The following SEL1L variants were observed in gnomAD, a reference collection of about 807,000 sequenced individuals.
SEL1L encodes protein sel-1 homolog 1.
SEL1L carries 52 observed loss-of-function variants against 109.8 expected under a neutral mutation model. The observed-to-expected ratio is 0.47, with a 90% CI of 0.38 to 0.60. The LOEUF (loss-of-function observed/expected upper bound fraction) is 0.60. Ranked by LOEUF, SEL1L falls within the 20% of genes least tolerant of loss-of-function variation. The pLI, the probability that SEL1L is intolerant of heterozygous loss-of-function variation, is 0.00. For missense variants in SEL1L, 749 were observed against 962.2 expected (o/e 0.78, Z 2.93); for synonymous variants, 373 against 339.6 (o/e 1.10, Z -1.08).
At position 81,510,533 on chromosome 14, in the gene SEL1L, CAATT is replaced by C. The variant is rs1279365321; in HGVS notation, c.341-4296_341-4293del. ...CTCTCTCTATATATATATATATAGA[CAATT>C]AAAGGCTAGGGGAATATAAGCACAT... is the stretch of plus-strand genomic sequence containing the variant. On this transcript the variant is annotated intron_variant, in intron 3 of 20. Coordinates refer to ENST00000336735, the MANE Select transcript of SEL1L (RefSeq NM_005065.6). 7.7e-4 allele frequency among the ~76,000 whole-genome samples: 83 copies of C among 108,376 alleles called. 2 individuals are homozygous for C. Among genetic ancestry groups the C allele is most frequent in the Middle Eastern group, 0.013 (2 of 152 alleles). 71.1% of individuals were successfully genotyped at this position (108,376 alleles called of 152,430 possible).
In SEL1L at chr14:81,533,712, C is replaced by A; in HGVS notation, c.33G>T (p.Leu11=). The A allele has an allele frequency of 6.2e-7, 1 of 1,613,640 alleles. No homozygotes were observed. Among genetic ancestry groups the A allele is most frequent in the Non-Finnish European group, 8.5e-7 (1 of 1,179,880 alleles). MRVRIGLTLL[L]CAVLLSLASA... is the part of the protein sequence containing the mutation. ...AGGCCAAGCTCAGCAGCACCGCACACAGCAGCAGCGTCAGCCCTATCCGGA... is the reference window on the plus strand; with the variant it reads ...AGGCCAAGCTCAGCAGCACCGCACAAAGCAGCAGCGTCAGCCCTATCCGGA... The change falls in exon 1 of 21, where the codon CTG becomes CTT. Residue 11 remains leucine, a synonymous_variant. Coordinates refer to ENST00000336735, the MANE Select transcript of SEL1L (RefSeq NM_005065.6).
At chr14:81,517,307 G>A (rs1344870876) in intron 3 of SEL1L, among the ~76,000 whole-genome samples, 4 of 152,180 alleles carry the variant, frequency 2.6e-5, no homozygotes, top group Non-Finnish European at 4.4e-5. Context: ...GGTGAGGCCT[G>A]TAGTTTTTGT....
chr14:81,529,139 C>T (rs1885231173), intron 1 of SEL1L, among the ~76,000 whole-genome samples: 1 of 152,068 alleles, frequency 6.6e-6, no homozygotes, highest in Non-Finnish European at 1.5e-5. Flanking sequence ...AGTCCCACAG[C>T]GCCCATAACA....
At chr14:81,499,094 A>C (rs1457699551) in intron 8 of SEL1L, 1 of 932,976 alleles carries the variant, frequency 1.1e-6, no homozygotes, top group Non-Finnish European at 1.3e-6. Context: ...TTCTATAGCC[A>C]CCATTTACAA....
Position 81,486,306 on chromosome 14 carries a change from G to A in SEL1L, c.1781C>T (p.Ala594Val). The change falls in exon 17 of 21, where the codon GCC becomes GTC. Residue 594 changes from alanine (A) to valine (V), a missense_variant. Ala to Val is a moderately conservative substitution (Grantham distance 64, BLOSUM62 0). Around this residue, in one of 2 missense-constraint regions of SEL1L, gnomAD observed 383 missense variants for 562.5 expected, o/e 0.68. Transcript: ENST00000336735. ...AACCTTACTCTGATCAAGAATAAAG[G>A]CTGCATTGCTTTGTGCCACTTCATA... Reference protein sequence around the residue: ...QGYEVAQSNAAFILDQREASI... With the variant: ...QGYEVAQSNAVFILDQREASI... 6.2e-7 allele frequency: 1 copy of A among 1,614,002 alleles called. No individual in the cohort carries two copies. Among genetic ancestry groups the A allele is most frequent in the Non-Finnish European group, 8.5e-7 (1 of 1,179,968 alleles).
intron 12 of SEL1L, among the ~76,000 whole-genome samples, chr14:81,491,730 T>C (rs151123127): frequency 6.6e-6 from 1 of 152,356 alleles, no homozygotes; most frequent in African/African-American, 2.4e-5. Flanking sequence ...ATATGGAATT[T>C]ATTTATAAAG....
rs560268114 is a variant in SEL1L at position 81,497,785 on chromosome 14, C to T, written c.1128+107G>A. The T allele has an allele frequency of 1.0e-5, 10 of 1,002,606 alleles. No individual in the cohort carries two copies. In the East Asian group the frequency reaches 1.0e-4, roughly 10 times the overall value. The allele number at this position is 1,002,606 out of a possible 1,614,324, so 62.1% of individuals were successfully genotyped here. A position where few individuals can be genotyped will look rare whatever the true frequency, so the allele number is the denominator to read the frequency against. Reference sequence around the variant, plus strand: ...TTCTAATATGTAGTTCATAATTGCTCAGGGCAATGAAAATGTAACTTACAG... The same window carrying T: ...TTCTAATATGTAGTTCATAATTGCTTAGGGCAATGAAAATGTAACTTACAG... On this transcript the variant is annotated intron_variant, in intron 10 of 20. Transcript: ENST00000336735.
chr14:81,500,191 G>C (rs1226960392), intron 6 of SEL1L, among the ~76,000 whole-genome samples: 1 of 151,812 alleles, frequency 6.6e-6, no homozygotes. Context: ...GATTACAGGG[G>C]TAAGCCACTG....
intron 2 of SEL1L, 30 bp from the exon 3 acceptor site, chr14:81,526,994 A>G: frequency 6.6e-7 from 1 of 1,526,116 alleles, no homozygotes; most frequent in Non-Finnish European, 9.1e-7. Flanking sequence ...TTAGTTATCA[A>G]CAATGCCAAG....
chr14:81,533,553 C>T, intron 1 of SEL1L, 122 bp downstream of exon 1: 1 of 887,746 alleles, frequency 1.1e-6, no homozygotes, highest in Non-Finnish European at 1.8e-6. Context: ...CGAGTGACAG[C>T]CCAGTGCGAG....
intron 4 of SEL1L, among the ~76,000 whole-genome samples, chr14:81,505,070 C>T (rs1006296570): frequency 1.3e-5 from 2 of 152,066 alleles, no homozygotes; most frequent in Non-Finnish European, 2.9e-5. Flanking sequence ...CCAAGGTCAG[C>T]TAAAATAAGG....
rs1253870587 is a variant in SEL1L, at chr14:81,504,282, C to T, written c.533G>A (p.Arg178Gln). Reference protein sequence around the residue: ...CETEEEAAKRRQMQEAEMMYQ... With the variant: ...CETEEEAAKRQQMQEAEMMYQ... ...CATCATTTCTGCTTCCTGCATCTGCCGTCTCTTAGCAGCCTCTTCTTCAGC... is the reference window on the plus strand; with the variant it reads ...CATCATTTCTGCTTCCTGCATCTGCTGTCTCTTAGCAGCCTCTTCTTCAGC... The change falls in exon 5 of 21, where the codon CGG (arginine) becomes CAG (glutamine). Residue 178 changes from arginine (R) to glutamine (Q), a missense_variant. Arg to Gln is a conservative substitution (Grantham distance 43). Transcript: ENST00000336735. 8 of 1,596,660 alleles carry T rather than the reference C, an allele frequency of 5.0e-6. No homozygotes were observed. Among genetic ancestry groups the T allele is most frequent in the African/African-American group, 1.4e-5 (1 of 74,054 alleles).
chr14:81,528,887 CTGAGT>C (rs1175989973), intron 1 of SEL1L, among the ~76,000 whole-genome samples: 4 of 152,084 alleles, frequency 2.6e-5, no homozygotes, highest in African/African-American at 9.7e-5. Context: ...TATCAAAGTA[CTGAGT>C]TAAGACTAAG....
At position 81,506,235 on chromosome 14, in the gene SEL1L, G is replaced by A; in HGVS notation, c.347C>T (p.Thr116Ile). The change falls in exon 4 of 21, where the codon ACC becomes ATC. Residue 116 changes from threonine (T) to isoleucine (I), a missense_variant. Around this residue, in one of 2 missense-constraint regions of SEL1L, gnomAD observed 366 missense variants for 399.8 expected, o/e 0.92. Coordinates refer to ENST00000336735, the MANE Select transcript of SEL1L (RefSeq NM_005065.6). Reference sequence around the variant, plus strand: ...CCCATGTGCTGTGCCTTCAATGGCGGTCAAAGCTGGAATGACAAGAAATAA... The same window carrying A: ...CCCATGTGCTGTGCCTTCAATGGCGATCAAAGCTGGAATGACAAGAAATAA... ...EPKKVRKPAL[T>I]AIEGTAHGEP... 6.3e-7 allele frequency: 1 copy of A among 1,595,270 alleles called. No homozygotes were observed. Among genetic ancestry groups the A allele is most frequent in the Non-Finnish European group, 8.5e-7 (1 of 1,172,466 alleles).
At chr14:81,491,066 C>G (rs1004773196) in intron 12 of SEL1L, among the ~76,000 whole-genome samples, 14 of 152,218 alleles carry the variant, frequency 9.2e-5, no homozygotes, top group Admixed American at 4.6e-4. Flanking sequence ...AATCTTTAAG[C>G]CCAACATGAA....
intron 12 of SEL1L, among the ~76,000 whole-genome samples, chr14:81,491,759 C>A (rs1883545388): frequency 6.6e-6 from 1 of 152,176 alleles, no homozygotes; most frequent in Admixed American, 6.5e-5. Context: ...CTTAAATGTT[C>A]TGTTCCCTTG....
In SEL1L at chr14:81,508,929, T is replaced by C. The variant is rs912934253; in HGVS notation, c.341-2688A>G. Among the ~76,000 whole-genome samples the C allele has an allele frequency of 2.6e-5, 4 of 151,754 alleles. 1 individual carries two copies. Among genetic ancestry groups the C allele is most frequent in the Non-Finnish European group, 5.9e-5 (4 of 67,902 alleles). Reference sequence around the variant, plus strand: ...ACCACAGAAAAGAAACTGGAGAGAGTAAAAAAAATTTGACAACAAAAGGTT... The same window carrying C: ...ACCACAGAAAAGAAACTGGAGAGAGCAAAAAAAATTTGACAACAAAAGGTT... On this transcript the variant is annotated intron_variant, in intron 3 of 20. Coordinates refer to ENST00000336735, the MANE Select transcript of SEL1L (RefSeq NM_005065.6).
intron 6 of SEL1L, among the ~76,000 whole-genome samples, chr14:81,500,930 T>C (rs546294390): frequency 1.8e-4 from 28 of 152,256 alleles, no homozygotes; most frequent in African/African-American, 6.3e-4. Context: ...TCCTTGATGA[T>C]AGGAAAGTAT....
intron 19 of SEL1L, among the ~76,000 whole-genome samples, chr14:81,480,219 C>T (rs1464044009): frequency 6.6e-6 from 1 of 151,944 alleles, no homozygotes; most frequent in Non-Finnish European, 1.5e-5. Flanking sequence ...GAGACAGAGT[C>T]TTGCTGTCAC....
Sources: gnomAD v4.1 joint callset for allele counts (sites outside exome capture counted in the v4.1 genomes callset) on GRCh38, gnomAD v4.1.1 for gene constraint, gnomAD v4.1.1 regional missense constraint, MANE v1.5 for transcripts, NCBI Gene and HGNC (gene_info 2026-07-23, HGNC 2026-07-21) for gene names.